Variants in RARS2 observed in about 807,000 individuals in gnomAD.
The protein encoded by RARS2 is arginyl-tRNA synthetase 2, mitochondrial.
In RARS2, 67 loss-of-function variants were observed where a neutral mutation model predicts 88.5. The observed-to-expected ratio is 0.76, with a 90% CI of 0.62 to 0.93. The LOEUF (loss-of-function observed/expected upper bound fraction) is 0.93. Among genes scored for constraint, RARS2 ranks in the 40% least tolerant of loss-of-function variants. The pLI is 0.00. For synonymous variants in RARS2, 239 were observed against 230.3 expected (o/e 1.04, Z -0.34); for missense variants, 664 against 684.2 (o/e 0.97, Z 0.33).
chr6:87,578,020 T>C (rs959854324), intron 1 of RARS2, among the ~76,000 whole-genome samples: 2 of 152,044 alleles, frequency 1.3e-5, no homozygotes, highest in Non-Finnish European at 2.9e-5. Flanking sequence ...CGGTGGCTCA[T>C]GCCTGTAATC....
In RARS2 at chr6:87,519,902, A is replaced by G. The variant is rs3818058; in HGVS notation, c.1113-195T>C. Among the ~76,000 whole-genome samples the G allele has an allele frequency of 2.0e-4, 30 of 152,342 alleles. No individual in the cohort carries two copies. The East Asian group carries it at 5.8e-3, about 29-fold the overall frequency. On this transcript the variant is annotated intron_variant, in intron 13 of 19. Transcript: ENST00000369536. The stretch of plus-strand genomic sequence containing the variant: ...TTCACTTTATAATCACCAGCATGTG[A>G]TTACACTACTAGTTGCCTTTAGGAG...
At chr6:87,536,478 T>C (rs551673802) in intron 8 of RARS2, among the ~76,000 whole-genome samples, 2 of 151,252 alleles carry the variant, frequency 1.3e-5, no homozygotes, top group East Asian at 2.0e-4. Flanking sequence ...CTAGCAAAAA[T>C]ACAAAAAAAT....
chr6:87,534,548 T>G lies in RARS2; in HGVS notation c.613-3606A>C, dbSNP rs1468489487. ...TGTCAGATATTTACTCAGCTATTAA[T>G]GTGTACTTTGTTCTTGCTAGGTATT... On this transcript the variant is annotated intron_variant, in intron 8 of 19. Transcript: ENST00000369536. 2.6e-5 allele frequency among the ~76,000 whole-genome samples: 4 copies of G among 152,218 alleles called. No homozygotes were observed. In the East Asian group the frequency reaches 7.7e-4, roughly 29 times the overall value.
chr6:87,576,731 T>G (rs565773152), intron 1 of RARS2, among the ~76,000 whole-genome samples: 193 of 152,300 alleles, frequency 1.3e-3, no homozygotes, highest in African/African-American at 3.9e-3. Flanking sequence ...ATGATTAACA[T>G]ATTTCAATTA....
chr6:87,562,093 C>G (rs541273128), intron 4 of RARS2, among the ~76,000 whole-genome samples: 1 of 152,300 alleles, frequency 6.6e-6, no homozygotes, highest in Admixed American at 6.5e-5. Flanking sequence ...GCCTCCAGAG[C>G]AGTTGGGACT....
intron 4 of RARS2, among the ~76,000 whole-genome samples, chr6:87,560,297 T>C (rs935161859): frequency 2.0e-5 from 3 of 152,234 alleles, no homozygotes; most frequent in Non-Finnish European, 4.4e-5. Context: ...TTAAAAAGCG[T>C]GAAATAAAAT....
chr6:87,555,750 C>A (rs1343248532), intron 4 of RARS2, among the ~76,000 whole-genome samples: 2 of 152,084 alleles, frequency 1.3e-5, no homozygotes, highest in Non-Finnish European at 2.9e-5. Flanking sequence ...TTCATTCTTA[C>A]AGTAACCAGT....
rs1456272968 is a variant in RARS2 at position 87,541,985 on chromosome 6, C to T, written c.545G>A (p.Gly182Glu). 1 of 1,611,874 alleles carries T rather than the reference C, an allele frequency of 6.2e-7. No individual in the cohort carries two copies. Among genetic ancestry groups the T allele is most frequent in the Non-Finnish European group, 8.5e-7 (1 of 1,178,240 alleles). Residue 182 changes from glycine to glutamate, a missense_variant, in exon 8 of 20, where the codon GGA becomes GAA. By Grantham distance (98) the Gly-to-Glu change is moderately conservative. Transcript: ENST00000369536. ...GDWGMQFGLLGTGFQLFGYEE... is the reference protein window; with the variant it reads ...GDWGMQFGLLETGFQLFGYEE... ...ATAGCCAAACAGCTGGAAGCCAGTT[C>T]CCAGAAGACCTACCATGATAATCCG...
At chr6:87,575,731 C>T (rs974661953) in intron 1 of RARS2, among the ~76,000 whole-genome samples, 4 of 151,788 alleles carry the variant, frequency 2.6e-5, no homozygotes, top group South Asian at 4.2e-4. Context: ...AATAAAGAAC[C>T]AAATCTAAAT....
At chr6:87,580,187 T>C (rs142777413) in intron 1 of RARS2, among the ~76,000 whole-genome samples, 2 of 152,304 alleles carry the variant, frequency 1.3e-5, no homozygotes, top group East Asian at 3.9e-4. Flanking sequence ...TCAGGGTTTA[T>C]TTTCTTTTGC....
intron 7 of RARS2, among the ~76,000 whole-genome samples, chr6:87,542,849 G>A (rs1781436596): frequency 6.6e-6 from 1 of 151,376 alleles, no homozygotes; most frequent in Non-Finnish European, 1.5e-5. Flanking sequence ...AGCATTAGGA[G>A]ATATACCTAA....
chr6:87,563,428 A>G lies in RARS2; in HGVS notation c.214-643T>C, dbSNP rs560953535. ...TGGGAGTGATTTTCTGATCAAATAA[A>G]TATTTACTAAGCTACCAATGCTCCT... On this transcript the variant is annotated intron_variant, in intron 3 of 19. Coordinates refer to ENST00000369536, the MANE Select transcript of RARS2 (RefSeq NM_020320.5). Among the ~76,000 whole-genome samples the G allele has an allele frequency of 1.7e-3, 258 of 152,316 alleles. 2 individuals carry two copies. The highest frequency in any genetic ancestry group is 6.0e-3 in the African/African-American group (248 of 41,564).
chr6:87,518,371 T>G (rs1582260794), intron 16 of RARS2, 107 bp from the exon 17 acceptor site: 1 of 1,576,628 alleles, frequency 6.3e-7, no homozygotes, highest in South Asian at 1.1e-5. Context: ...TTTGGTCTCC[T>G]TAATATCCAT....
At chr6:87,545,794 ATTC>A in intron 6 of RARS2, 95 bp from the exon 7 acceptor site, 1 of 1,419,084 alleles carries the variant, frequency 7.0e-7, no homozygotes, top group Admixed American at 2.1e-5. Flanking sequence ...TAAGTAGAAA[ATTC>A]TTTTCACTAA....
At chr6:87,589,680 AGAG>A in intron 1 of RARS2, 1 of 985,290 alleles carries the variant, frequency 1.0e-6, no homozygotes, top group East Asian at 1.1e-4. Flanking sequence ...GGTGGGAAGG[AGAG>A]AAGAAAGCAC....
intron 1 of RARS2, 168 bp downstream of exon 1, chr6:87,589,754 G>C: frequency 8.1e-6 from 8 of 985,148 alleles, no homozygotes; most frequent in South Asian, 4.7e-5. Context: ...ACGCTCCACA[G>C]GACTTCTGAA....
chr6:87,583,350 G>C (rs186399050), intron 1 of RARS2, among the ~76,000 whole-genome samples: 2 of 152,182 alleles, frequency 1.3e-5, no homozygotes, highest in Non-Finnish European at 2.9e-5. Flanking sequence ...AGCACTTTGC[G>C]AGGCCGAAGC....
At chr6:87,539,552 T>C (rs551168425) in intron 8 of RARS2, among the ~76,000 whole-genome samples, 1 of 152,354 alleles carries the variant, frequency 6.6e-6, no homozygotes, top group Admixed American at 6.5e-5. Flanking sequence ...CACAAGTTAC[T>C]TCCTGCTTCC....
chr6:87,551,282 G>A (rs139166366), intron 5 of RARS2, among the ~76,000 whole-genome samples: 255 of 152,200 alleles, frequency 1.7e-3, no homozygotes, highest in African/African-American at 6.0e-3. Flanking sequence ...TGGGACTTTT[G>A]TTAAATTACT....
Sources: allele counts gnomAD v4.1 joint callset (sites outside exome capture counted in the v4.1 genomes callset), GRCh38; gene constraint gnomAD v4.1.1; transcripts MANE v1.5; gene names NCBI Gene and HGNC (gene_info 2026-07-23, HGNC 2026-07-21).